Variants in RIMS2 observed in about 807,000 individuals in gnomAD.
The protein encoded by RIMS2 is regulating synaptic membrane exocytosis 2, also known as regulating synaptic membrane exocytosis protein 2.
In RIMS2, 59 loss-of-function variants were observed where a neutral mutation model predicts 174.4. That is an observed-to-expected ratio of 0.34 (90% confidence interval 0.27 to 0.42). The LOEUF (loss-of-function observed/expected upper bound fraction) is 0.42, where lower values mean the gene tolerates loss of function less well. Among genes scored for constraint, RIMS2 ranks in the 10% least tolerant of loss-of-function variants. The pLI is 1.00. For missense variants in RIMS2, 1,620 were observed against 1,666.3 expected, an observed-to-expected ratio of 0.97 and a Z score of 0.48; for synonymous variants, 606 against 572.5, an observed-to-expected ratio of 1.06 and a Z score of -0.84.
intron 10 of RIMS2, among the ~76,000 whole-genome samples, chr8:103,926,463 CAGAG>C (rs910178754): frequency 6.6e-6 from 1 of 151,244 alleles, no homozygotes; most frequent in East Asian, 1.9e-4. Flanking sequence ...GAGACAGAGA[CAGAG>C]AGAGAGAGAT....
At chr8:103,602,180 G>T (rs1416600799) in intron 1 of RIMS2, among the ~76,000 whole-genome samples, 8 of 151,902 alleles carry the variant, frequency 5.3e-5, no homozygotes, top group Non-Finnish European at 1.2e-4. Context: ...GTAGAGACGG[G>T]GTTTCACCAT....
chr8:104,060,997 G>A (rs1178922464), intron 19 of RIMS2, among the ~76,000 whole-genome samples: 1 of 152,078 alleles, frequency 6.6e-6, no homozygotes, highest in Non-Finnish European at 1.5e-5. Context: ...CAACTATGTG[G>A]TCAATTTTGG....
intron 3 of RIMS2, among the ~76,000 whole-genome samples, chr8:103,859,031 G>T (rs2099043864): frequency 6.6e-6 from 1 of 152,054 alleles, no homozygotes; most frequent in South Asian, 2.1e-4. Flanking sequence ...AATACTACAA[G>T]ATAGATCATG....
chr8:103,635,205 G>A (rs1198353848), intron 1 of RIMS2, among the ~76,000 whole-genome samples: 1 of 152,200 alleles, frequency 6.6e-6, no homozygotes, highest in Non-Finnish European at 1.5e-5. Flanking sequence ...GGTGGTAGTG[G>A]TCTTTCTTTT....
downstream of RIMS2, chr8:104,251,899 A>G (rs2099360377): frequency 3.7e-6 from 3 of 821,892 alleles, no homozygotes; most frequent in Non-Finnish European, 4.1e-6. Context: ...AACCCTGGTA[A>G]CACTGCATGC....
intron 15 of RIMS2, among the ~76,000 whole-genome samples, chr8:103,970,021 A>T (rs963252473): frequency 2.6e-5 from 4 of 152,198 alleles, no homozygotes; most frequent in Non-Finnish European, 4.4e-5. Flanking sequence ...AAATGCTGAG[A>T]TTACAGGTGT....
At chr8:104,084,428 ACT>A (rs1263144790) in intron 19 of RIMS2, among the ~76,000 whole-genome samples, 2 of 109,108 alleles carry the variant, frequency 1.8e-5, no homozygotes, top group Non-Finnish European at 3.3e-5. Flanking sequence ...ACTGAGCAAG[ACT>A]CTGTCTCAAA....
chr8:103,976,115 T>C (rs2003), intron 16 of RIMS2: 19,357 of 152,264 alleles, frequency 0.13, 1,713 homozygotes, highest in Non-Finnish European at 0.19. Flanking sequence ...GTAATGTTAA[T>C]CATCAAAATG....
chr8:103,606,098 G>A (rs2095063324), intron 1 of RIMS2, among the ~76,000 whole-genome samples: 1 of 146,524 alleles, frequency 6.8e-6, no homozygotes, highest in Non-Finnish European at 1.5e-5. Context: ...ATGTTAGGGT[G>A]TCAATTTTGG....
At chr8:103,975,210 T>G in intron 15 of RIMS2, 140 bp from the exon 18 acceptor site, 1 of 484,792 alleles carries the variant, frequency 2.1e-6, no homozygotes, top group Non-Finnish European at 3.6e-6. Flanking sequence ...CTTAATATCA[T>G]GGTTTATTCA....
chr8:103,762,188 G>A (rs1369109725), intron 2 of RIMS2, among the ~76,000 whole-genome samples: 2 of 151,422 alleles, frequency 1.3e-5, no homozygotes, highest in Admixed American at 6.6e-5. Flanking sequence ...GACAAATTTG[G>A]GTCATTAGAG....
chr8:103,857,554 A>G (rs1282792891), intron 3 of RIMS2, among the ~76,000 whole-genome samples: 2 of 152,148 alleles, frequency 1.3e-5, no homozygotes, highest in African/African-American at 4.8e-5. Flanking sequence ...ATGTATGTAT[A>G]TGCAGTTGTG....
At chr8:103,798,640 A>C (rs1279597177) in intron 3 of RIMS2, among the ~76,000 whole-genome samples, 1 of 152,214 alleles carries the variant, frequency 6.6e-6, no homozygotes, top group African/African-American at 2.4e-5. Flanking sequence ...TTTAAATTAC[A>C]GAAAGGATAT....
At chr8:103,716,051 A>G (rs1440866726) in intron 2 of RIMS2, among the ~76,000 whole-genome samples, 4 of 151,848 alleles carry the variant, frequency 2.6e-5, no homozygotes, top group Admixed American at 6.6e-5. Flanking sequence ...TTTTGTTTAT[A>G]TATCTTAATA....
At chr8:104,188,910 G>A (rs1395912380) in intron 19 of RIMS2, among the ~76,000 whole-genome samples, 3 of 151,874 alleles carry the variant, frequency 2.0e-5, no homozygotes, top group African/African-American at 7.2e-5. Context: ...GACTGCTAGT[G>A]AGCATAACTA....
At chr8:103,627,348 G>C (rs1029760795) in intron 1 of RIMS2, among the ~76,000 whole-genome samples, 1 of 152,114 alleles carries the variant, frequency 6.6e-6, no homozygotes, top group Non-Finnish European at 1.5e-5. Flanking sequence ...TTCTTTTTCA[G>C]GGTGCACTGA....
chr8:103,525,903 A>G (rs1034912154), intron 1 of RIMS2, among the ~76,000 whole-genome samples: 18 of 152,204 alleles, frequency 1.2e-4, no homozygotes, highest in Admixed American at 7.9e-4. Context: ...AGCTGGATCA[A>G]ATATAAAAAT....
chr8:103,596,833 C>G lies in RIMS2; in HGVS notation c.176+95771C>G, dbSNP rs544600005. Among the ~76,000 whole-genome samples, 10 of 152,088 alleles carry G rather than the reference C, an allele frequency of 6.6e-5. No individual in the cohort carries two copies. In the South Asian group the frequency reaches 2.1e-3, roughly 32 times the overall value. ...ATCCAGTCATTTTTTAAAGACACAGCTTAAGCACTTTGCCAAGTAGTTGTT... is the reference window on the plus strand; with the variant it reads ...ATCCAGTCATTTTTTAAAGACACAGGTTAAGCACTTTGCCAAGTAGTTGTT... On this transcript the variant is annotated intron_variant, in intron 1 of 23. Transcript: ENST00000504942.
At chr8:103,886,279 A>C in intron 4 of RIMS2, 56 bp downstream of exon 7, 1 of 1,424,556 alleles carries the variant, frequency 7.0e-7, no homozygotes. Context: ...GTTTTTTTTA[A>C]TAGATTGCAT....
Sources: allele counts gnomAD v4.1 joint callset (sites outside exome capture counted in the v4.1 genomes callset), GRCh38; gene constraint gnomAD v4.1.1; transcripts MANE v1.5; gene names NCBI Gene and HGNC (gene_info 2026-07-23, HGNC 2026-07-21).